Variants in FAM120B observed in about 807,000 individuals in gnomAD.
The protein encoded by FAM120B is constitutive coactivator of peroxisome proliferator-activated receptor gamma.
FAM120B carries 83 observed loss-of-function variants against 96.3 expected under a neutral mutation model. The observed-to-expected ratio is 0.86, with a 90% CI of 0.72 to 1.03. FAM120B has a LOEUF of 1.03. Among genes scored for constraint, FAM120B ranks in the 50% least tolerant of loss-of-function variants. FAM120B has a pLI of 0.00. For missense variants in FAM120B, 1,027 were observed against 1,121.2 expected, an observed-to-expected ratio of 0.92 and a Z score of 1.20; for synonymous variants, 407 against 402.7, an observed-to-expected ratio of 1.01 and a Z score of -0.13.
At chr6:170,390,954 T>G in intron 7 of FAM120B, 59 bp from the exon 8 acceptor site, 1 of 1,393,924 alleles carries the variant, frequency 7.2e-7, no homozygotes, top group Non-Finnish European at 1.0e-6. Flanking sequence ...CAGCCACATC[T>G]GGCCCTACTT....
chr6:170,331,691 G>A (rs942411732), intron 4 of FAM120B, among the ~76,000 whole-genome samples: 2 of 152,142 alleles, frequency 1.3e-5, no homozygotes, highest in Non-Finnish European at 2.9e-5. Flanking sequence ...TTGAATTAAA[G>A]AGAACATTTG....
intron 4 of FAM120B, among the ~76,000 whole-genome samples, chr6:170,343,952 G>T (rs969606170): frequency 6.6e-6 from 1 of 152,148 alleles, no homozygotes; most frequent in African/African-American, 2.4e-5. Flanking sequence ...TGCGGTGCTA[G>T]CCTCTCTCTG....
chr6:170,324,357 A>G (rs1027595500), intron 3 of FAM120B, among the ~76,000 whole-genome samples: 1 of 152,252 alleles, frequency 6.6e-6, no homozygotes, highest in Non-Finnish European at 1.5e-5. Context: ...GGAAGCAGAC[A>G]TGAGAAAGAT....
At chr6:170,350,007 A>G (rs1205991563) in intron 5 of FAM120B, among the ~76,000 whole-genome samples, 4 of 152,104 alleles carry the variant, frequency 2.6e-5, no homozygotes, top group Non-Finnish European at 5.9e-5. Flanking sequence ...TTTGCAACCC[A>G]TGTATCAGAT....
chr6:170,312,237 T>C (rs1041357350), intron 1 of FAM120B, among the ~76,000 whole-genome samples: 3 of 152,214 alleles, frequency 2.0e-5, no homozygotes, highest in Admixed American at 6.5e-5. Context: ...TTTCTGCAAA[T>C]GGTTCGTTTT....
intron 9 of FAM120B, among the ~76,000 whole-genome samples, chr6:170,397,870 A>G (rs2115334732): frequency 6.6e-6 from 1 of 152,258 alleles, no homozygotes; most frequent in South Asian, 2.1e-4. Flanking sequence ...CTGGCAGGGG[A>G]GGGAAGAGCC....
In FAM120B at chr6:170,299,933, A is replaced by G. The variant is rs1042769117; in HGVS notation, c.48+4480A>G. 2.0e-5 allele frequency among the ~76,000 whole-genome samples: 3 copies of G among 152,236 alleles called. No individual in the cohort carries two copies. In the South Asian group the frequency reaches 6.2e-4, roughly 31 times the overall value. On this transcript the variant is annotated intron_variant, in intron 1 of 10. Coordinates refer to the FAM120B transcript ENST00000537664. Reference sequence around the variant, plus strand: ...ACCAGACATCTTCACCATTACAATGATCATAAGAAGAGGAACATTGTCTTT... The same window carrying G: ...ACCAGACATCTTCACCATTACAATGGTCATAAGAAGAGGAACATTGTCTTT...
In FAM120B at chr6:170,361,210, A is replaced by ACGTG. The variant is rs1300589956; in HGVS notation, c.2283+2892_2283+2893insCGTG. Among the ~76,000 whole-genome samples the ACGTG allele has an allele frequency of 8.4e-4, 81 of 96,524 alleles. 3 individuals carry two copies. The highest frequency in any genetic ancestry group is 2.8e-3 in the South Asian group (7 of 2,502). The allele number at this position is 96,524 out of a possible 152,430, so 63.3% of individuals were successfully genotyped here. A position where few individuals can be genotyped will look rare whatever the true frequency, so the allele number is the denominator to read the frequency against. On this transcript the variant is annotated intron_variant, in intron 6 of 10. Coordinates refer to ENST00000476287, the MANE Select transcript of FAM120B (RefSeq NM_032448.3). Reference sequence around the variant, plus strand: ...TATATATATACGTGTATATATATATATATATATATATATATATATATATAT... The same window carrying ACGTG: ...TATATATATACGTGTATATATATATACGTGTATATATATATATATATATATATAT...
At chr6:170,347,098 G>C (rs1273660983) in intron 4 of FAM120B, among the ~76,000 whole-genome samples, 3 of 152,182 alleles carry the variant, frequency 2.0e-5, no homozygotes, top group African/African-American at 7.2e-5. Context: ...ATACCACTGA[G>C]AGTAGTCAGT....
At chr6:170,342,370 T>C (rs1183755614) in intron 4 of FAM120B, among the ~76,000 whole-genome samples, 2 of 152,232 alleles carry the variant, frequency 1.3e-5, no homozygotes, top group Non-Finnish European at 2.9e-5. Flanking sequence ...TTTACGTTTT[T>C]ATTAACCCTA....
chr6:170,335,312 G>A (rs919866981), intron 4 of FAM120B, among the ~76,000 whole-genome samples: 4 of 151,926 alleles, frequency 2.6e-5, no homozygotes, highest in African/African-American at 9.7e-5. Context: ...GCGGTGTTTG[G>A]TTTTCTATTC....
At chr6:170,388,897 G>A (rs866889826) in intron 7 of FAM120B, among the ~76,000 whole-genome samples, 5 of 152,096 alleles carry the variant, frequency 3.3e-5, no homozygotes, top group Admixed American at 1.3e-4. Flanking sequence ...AACATAAGCC[G>A]TCAATTAACA....
chr6:170,358,164 A>G (rs1001404571), intron 5 of FAM120B, 62 bp from the exon 6 acceptor site: 55 of 1,382,680 alleles, frequency 4.0e-5, no homozygotes, highest in Admixed American at 2.6e-4. Flanking sequence ...ACTGAGATCA[A>G]TTTGTAAGAA....
chr6:170,293,271 G>T (rs1783925641), upstream of FAM120B, among the ~76,000 whole-genome samples: 1 of 152,136 alleles, frequency 6.6e-6, no homozygotes, highest in Non-Finnish European at 1.5e-5. Context: ...AGAATCCTCT[G>T]CCTGCAACAC....
intron 3 of FAM120B, among the ~76,000 whole-genome samples, chr6:170,323,646 G>A (rs1785430010): frequency 6.6e-6 from 1 of 152,094 alleles, no homozygotes; most frequent in Non-Finnish European, 1.5e-5. Flanking sequence ...CCCTCAAAAT[G>A]TGATTTTTAT....
chr6:170,366,881 CTCATG>C (rs981617156), intron 6 of FAM120B, among the ~76,000 whole-genome samples: 1 of 152,150 alleles, frequency 6.6e-6, no homozygotes, highest in African/African-American at 2.4e-5. Context: ...CTCGGATAAG[CTCATG>C]TTATTTTTTA....
intron 4 of FAM120B, among the ~76,000 whole-genome samples, chr6:170,335,582 G>A (rs1786363653): frequency 6.6e-6 from 1 of 152,186 alleles, no homozygotes; most frequent in Admixed American, 6.5e-5. Context: ...TAATGGGATT[G>A]CTGGGTCAGA....
chr6:170,361,182 C>CTATA lies in FAM120B; in HGVS notation c.2283+2873_2283+2876dup, dbSNP rs564683415. ...TTCCTACTCAAATATAGCCTTAAAA[C>CTATA]TATATATATATACGTGTATATATAT... is the stretch of plus-strand genomic sequence containing the variant. On this transcript the variant is annotated intron_variant, in intron 6 of 10. Transcript: ENST00000476287. 6.1e-4 allele frequency among the ~76,000 whole-genome samples: 46 copies of CTATA among 75,506 alleles called. 1 individual carries two copies. Among genetic ancestry groups the CTATA allele is most frequent in the Admixed American group, 1.2e-3 (7 of 5,844 alleles). 49.5% of individuals were successfully genotyped at this position (75,506 alleles called of 152,430 possible). A position where few individuals can be genotyped will look rare whatever the true frequency, so the allele number is the denominator to read the frequency against.
At chr6:170,306,578 G>A (rs966817324), upstream of FAM120B, 1 of 152,202 alleles carries the variant, frequency 6.6e-6, no homozygotes, top group Admixed American at 6.5e-5. Context: ...TGTGGCAACA[G>A]GCCGCGGCGT....
Sources: gnomAD v4.1 joint callset for allele counts (sites outside exome capture counted in the v4.1 genomes callset) on GRCh38, gnomAD v4.1.1 for gene constraint, MANE v1.5 for transcripts, NCBI Gene and HGNC (gene_info 2026-07-23, HGNC 2026-07-21) for gene names.